The following AFF3 variants were observed in gnomAD, a reference collection of about 807,000 sequenced individuals.
AFF3 encodes the protein AF4/FMR2 family member 3.
A neutral mutation model predicts 129.7 loss-of-function variants in AFF3; 32 were observed. The observed-to-expected ratio is 0.25, with a 90% CI of 0.19 to 0.33. The LOEUF is 0.33. Ranked by LOEUF, AFF3 falls within the 10% of genes least tolerant of loss-of-function variation. AFF3 has a pLI of 1.00. For missense variants in AFF3, 1,373 were observed against 1,592.0 expected (o/e 0.86, Z 2.34); for synonymous variants, 644 against 635.4 (o/e 1.01, Z -0.20).
intron 19 of AFF3, among the ~76,000 whole-genome samples, chr2:99,566,651 T>C (rs1366240196): frequency 6.6e-6 from 1 of 152,226 alleles, no homozygotes; most frequent in Non-Finnish European, 1.5e-5. Context: ...CAGCTTTATA[T>C]TCTTAAGATC....
At chr2:99,941,016 GA>G (rs938405630) in intron 7 of AFF3, among the ~76,000 whole-genome samples, 2 of 152,180 alleles carry the variant, frequency 1.3e-5, no homozygotes, top group African/African-American at 4.8e-5. Context: ...GAGGAAATCA[GA>G]AAAGGCTGAC....
intron 7 of AFF3, among the ~76,000 whole-genome samples, chr2:99,962,788 A>G (rs181552004): frequency 1.5e-4 from 23 of 150,718 alleles, no homozygotes; most frequent in Admixed American, 9.9e-4. Flanking sequence ...CTGATATTTA[A>G]CTTCTTTTTT....
intron 11 of AFF3, among the ~76,000 whole-genome samples, chr2:99,713,857 C>T (rs2104890449): frequency 6.6e-6 from 1 of 152,000 alleles, no homozygotes; most frequent in Middle Eastern, 3.4e-3. Flanking sequence ...CGCTACCATG[C>T]CCGGCTAATT....
At chr2:99,696,131 TA>T (rs1249001350) in intron 11 of AFF3, among the ~76,000 whole-genome samples, 2 of 151,146 alleles carry the variant, frequency 1.3e-5, no homozygotes, top group Non-Finnish European at 2.9e-5. Context: ...CAAAATTGAT[TA>T]TTTTTTTTTT....
intron 4 of AFF3, among the ~76,000 whole-genome samples, chr2:100,060,032 C>T (rs889907646): frequency 7.2e-5 from 11 of 152,130 alleles, no homozygotes; most frequent in African/African-American, 2.4e-4. Flanking sequence ...AGTTAGAGAA[C>T]ACCCAAGGGG....
intron 7 of AFF3, among the ~76,000 whole-genome samples, chr2:99,912,993 C>T (rs919152624): frequency 6.2e-4 from 95 of 152,234 alleles, no homozygotes; most frequent in African/African-American, 2.0e-3. Context: ...ACACTGTTCC[C>T]CACTAACCCC....
At chr2:99,684,773 A>T (rs1674880872) in intron 11 of AFF3, among the ~76,000 whole-genome samples, 1 of 150,616 alleles carries the variant, frequency 6.6e-6, no homozygotes, top group East Asian at 2.0e-4. Context: ...CACCGTGCCC[A>T]GCCCATGAAT....
chr2:99,871,732 T>C (rs1475416181), intron 7 of AFF3, among the ~76,000 whole-genome samples: 2 of 151,986 alleles, frequency 1.3e-5, no homozygotes, highest in Non-Finnish European at 2.9e-5. Context: ...CTCCAAAACA[T>C]GGGAGGAATG....
chr2:99,899,438 G>A (rs866690262), intron 7 of AFF3, among the ~76,000 whole-genome samples: 4 of 152,330 alleles, frequency 2.6e-5, no homozygotes, highest in Middle Eastern at 3.4e-3. Flanking sequence ...AGATATTTCA[G>A]AAGAGTATTG....
At chr2:100,041,005 G>A (rs1685380946) in intron 4 of AFF3, among the ~76,000 whole-genome samples, 1 of 152,264 alleles carries the variant, frequency 6.6e-6, no homozygotes, top group African/African-American at 2.4e-5. Flanking sequence ...TCCTGAGCAA[G>A]TCAATGCAGA....
At chr2:99,718,127 T>C (rs73966518) in intron 11 of AFF3, among the ~76,000 whole-genome samples, 21,620 of 152,218 alleles carry the variant, frequency 0.14, 2,268 homozygotes, top group African/African-American at 0.29. Context: ...TCTGTTGTTC[T>C]TAAAGACTGT....
At chr2:99,814,197 C>T (rs1267103225) in intron 8 of AFF3, among the ~76,000 whole-genome samples, 1 of 152,060 alleles carries the variant, frequency 6.6e-6, no homozygotes, top group Non-Finnish European at 1.5e-5. Flanking sequence ...TCTTTCTCAC[C>T]TCTAGCCTAA....
chr2:99,601,351 G>T, intron 14 of AFF3, 84 bp downstream of exon 14: 2 of 1,421,910 alleles, frequency 1.4e-6, no homozygotes, highest in Non-Finnish European at 1.9e-6. Flanking sequence ...ACCTGCAGCA[G>T]TGTGACAGTG....
chr2:99,762,047 C>CCTGGCCTGTCTGTGAAGGTGACCTGTG (rs1682650787), intron 8 of AFF3, among the ~76,000 whole-genome samples: 1 of 152,094 alleles, frequency 6.6e-6, no homozygotes, highest in Non-Finnish European at 1.5e-5. Flanking sequence ...TCTTTCTCAT[C>CCTGGCCTGTCTGTGAAGGTGACCTGTG]CTGGCCTGTC....
chr2:100,079,041 G>C (rs539193771), intron 4 of AFF3, among the ~76,000 whole-genome samples: 3 of 150,980 alleles, frequency 2.0e-5, no homozygotes, highest in East Asian at 3.9e-4. Context: ...CTGCCTCCCA[G>C]GTTCACGCCA....
intron 2 of AFF3, among the ~76,000 whole-genome samples, chr2:100,118,535 T>G (rs1400737798): frequency 6.6e-6 from 1 of 152,214 alleles, no homozygotes; most frequent in Non-Finnish European, 1.5e-5. Flanking sequence ...ACTCATCAAA[T>G]AGCATCTATT....
intron 7 of AFF3, among the ~76,000 whole-genome samples, chr2:99,937,664 T>A (rs1231742161): frequency 1.3e-5 from 2 of 152,212 alleles, no homozygotes; most frequent in Admixed American, 6.5e-5. Context: ...CCCAAAGTGC[T>A]GGGATTACAG....
At chr2:100,115,640 A>AT (rs1297290663) in intron 2 of AFF3, among the ~76,000 whole-genome samples, 4 of 152,002 alleles carry the variant, frequency 2.6e-5, no homozygotes, top group South Asian at 2.1e-4. Context: ...TTTTCAGCTC[A>AT]TTTTTTTCAG....
intron 7 of AFF3, among the ~76,000 whole-genome samples, chr2:99,965,018 T>C (rs1207055754): frequency 2.6e-5 from 4 of 152,216 alleles, no homozygotes; most frequent in Non-Finnish European, 5.9e-5. Flanking sequence ...TGTTATGTTA[T>C]AGAAGACTGA....
Sources: allele counts gnomAD v4.1 joint callset (sites outside exome capture counted in the v4.1 genomes callset), GRCh38; gene constraint gnomAD v4.1.1; transcripts MANE v1.5; gene names NCBI Gene and HGNC (gene_info 2026-07-23, HGNC 2026-07-21).